NIBAN1: variants seen among roughly 807,000 people sequenced by gnomAD.
NIBAN1 encodes the protein niban apoptosis regulator 1, also known as protein Niban 1.
In NIBAN1, 81 loss-of-function variants were observed where a neutral mutation model predicts 75.1. That is an observed-to-expected ratio of 1.08 (90% CI 0.90 to 1.30). NIBAN1 has a LOEUF of 1.30. NIBAN1 is among the 50% of genes most tolerant of loss of function. NIBAN1 has a pLI of 0.00. For synonymous variants in NIBAN1, 436 were observed against 424.8 expected (o/e 1.03, Z -0.32); for missense variants, 1,133 against 1,128.1 (o/e 1.00, Z -0.06).
chr1:184,937,846 C>T (rs80198706), intron 1 of NIBAN1, among the ~76,000 whole-genome samples: 4 of 152,164 alleles, frequency 2.6e-5, no homozygotes, highest in Admixed American at 1.3e-4. Flanking sequence ...TAAACAGCTA[C>T]GTGAGAAGTA....
intron 1 of NIBAN1, among the ~76,000 whole-genome samples, chr1:184,931,513 T>C (rs1393064264): frequency 6.6e-6 from 1 of 152,224 alleles, no homozygotes; most frequent in African/African-American, 2.4e-5. Flanking sequence ...AAACAAAAAG[T>C]TATTGTATAA....
intron 5 of NIBAN1, among the ~76,000 whole-genome samples, chr1:184,881,799 G>C (rs1454122300): frequency 6.6e-6 from 1 of 152,162 alleles, no homozygotes; most frequent in Non-Finnish European, 1.5e-5. Flanking sequence ...CAGTGAGGAT[G>C]ACCAGAGGTC....
chr1:184,884,598 C>T (rs768748016), intron 5 of NIBAN1, 35 bp downstream of exon 5: 1 of 1,609,990 alleles, frequency 6.2e-7, no homozygotes, highest in East Asian at 2.2e-5. Context: ...TGCCCCACTT[C>T]CCGCCCCGGG....
rs114451302 is a variant in NIBAN1, at chr1:184,822,899, A to G, written c.985+268T>C. On this transcript the variant is annotated intron_variant, in intron 8 of 13. Coordinates refer to ENST00000367511, the MANE Select transcript of NIBAN1 (RefSeq NM_052966.4). Reference sequence around the variant, plus strand: ...CTAATTCAGTGTCAAGGGTGCTACAATGGGGGTTGGGGGTGCAGGCAGTAT... The same window carrying G: ...CTAATTCAGTGTCAAGGGTGCTACAGTGGGGGTTGGGGGTGCAGGCAGTAT... Among the ~76,000 whole-genome samples, 1,436 of 152,232 alleles carry G rather than the reference A, an allele frequency of 9.4e-3. 4 individuals are homozygous for G. The highest frequency in any genetic ancestry group is 0.027 in the Middle Eastern group (8 of 294).
chr1:184,865,081 A>G (rs940566239), intron 5 of NIBAN1, among the ~76,000 whole-genome samples: 2 of 152,144 alleles, frequency 1.3e-5, no homozygotes, highest in African/African-American at 4.8e-5. Context: ...ACCAGTCAGA[A>G]TGGCTATTAC....
chr1:184,815,205 A>C (rs1197850012), intron 9 of NIBAN1, among the ~76,000 whole-genome samples: 1 of 152,228 alleles, frequency 6.6e-6, no homozygotes, highest in African/African-American at 2.4e-5. Context: ...GGCTGATGTT[A>C]TAACAGTAGA....
intron 1 of NIBAN1, among the ~76,000 whole-genome samples, chr1:184,901,309 TC>T (rs1656949163): frequency 1.3e-5 from 2 of 152,182 alleles, no homozygotes; most frequent in African/African-American, 4.8e-5. Context: ...AAATAAAAGC[TC>T]CTATAATTTG....
Position 184,795,680 on chromosome 1 carries a change from G to A in NIBAN1, c.2084C>T (p.Pro695Leu), listed in dbSNP as rs933048061. Residue 695 changes from proline to leucine, a missense_variant, in exon 14 of 14, where the codon CCC becomes CTC. Coordinates refer to ENST00000367511, the MANE Select transcript of NIBAN1 (RefSeq NM_052966.4). ...GATGGGTTCTGGCTCTTCCTGGGCG[G>A]GTTCTTCATCCTCAAGGGTCCCTCC... ...EFGGTLEDEE[P>L]AQEEPEPITA... is the part of the protein sequence containing the mutation. 6.2e-7 allele frequency: 1 copy of A among 1,614,102 alleles called. No homozygotes were observed. Among genetic ancestry groups the A allele is most frequent in the East Asian group, 2.2e-5 (1 of 44,878 alleles).
At chr1:184,814,260 T>C (rs549082417) in intron 9 of NIBAN1, among the ~76,000 whole-genome samples, 7 of 152,288 alleles carry the variant, frequency 4.6e-5, no homozygotes, top group Middle Eastern at 3.4e-3. Flanking sequence ...TCTTGGAACA[T>C]TGTTCTGTTC....
chr1:184,794,282 G>C lies in NIBAN1; in HGVS notation c.*695C>G, dbSNP rs190729106. On this transcript the variant is annotated 3_prime_UTR_variant, in exon 14 of 14. Coordinates refer to ENST00000367511, the MANE Select transcript of NIBAN1 (RefSeq NM_052966.4). Reference sequence around the variant, plus strand: ...CCAATAAAATTTTCTTGCCTCATCTGAATTTCCTGCAAATGTGATTAATTA... The same window carrying C: ...CCAATAAAATTTTCTTGCCTCATCTCAATTTCCTGCAAATGTGATTAATTA... 1 of 153,282 alleles carries C rather than the reference G, an allele frequency of 6.5e-6. No individual in the cohort carries two copies. Among genetic ancestry groups the C allele is most frequent in the Non-Finnish European group, 1.5e-5 (1 of 68,898 alleles). 9.5% of individuals were successfully genotyped at this position (153,282 alleles called of 1,614,324 possible). A position where few individuals can be genotyped will look rare whatever the true frequency, so the allele number is the denominator to read the frequency against.
chr1:184,818,452 G>A (rs1654599924), intron 9 of NIBAN1, among the ~76,000 whole-genome samples, 186 bp downstream of exon 9: 1 of 152,010 alleles, frequency 6.6e-6, no homozygotes, highest in Non-Finnish European at 1.5e-5. Flanking sequence ...ATGGGTGGAT[G>A]GATGAATAGA....
intron 3 of NIBAN1, 47 bp downstream of exon 3, chr1:184,894,028 C>T (rs1656736582): frequency 6.5e-7 from 1 of 1,530,478 alleles, no homozygotes; most frequent in Admixed American, 2.1e-5. Context: ...CCGAGCCAAA[C>T]TTTTAAGAAC....
At chr1:184,899,005 A>T (rs560121596) in intron 2 of NIBAN1, among the ~76,000 whole-genome samples, 174 bp downstream of exon 2, 1 of 152,380 alleles carries the variant, frequency 6.6e-6, no homozygotes, top group East Asian at 1.9e-4. Context: ...TATATCAGCA[A>T]CAAGAAATCA....
In NIBAN1 at chr1:184,831,859, C is replaced by A; in HGVS notation, c.705G>T (p.Gly235=). 1 of 1,613,718 alleles carries A rather than the reference C, an allele frequency of 6.2e-7. No individual in the cohort carries two copies. The change falls in exon 6 of 14, where the codon GGG becomes GGT. Residue 235 remains glycine, a synonymous_variant. Coordinates refer to ENST00000367511, the MANE Select transcript of NIBAN1 (RefSeq NM_052966.4). ...AACCCCATATTACCTGGATTTCATC[C>A]CCAGTGATCATTTCCCAGGAACCAT... ...GHYGSWEMIT[G]DEIQILSNLV...
At chr1:184,856,374 TGTA>T (rs1360210197) in intron 5 of NIBAN1, among the ~76,000 whole-genome samples, 1 of 152,190 alleles carries the variant, frequency 6.6e-6, no homozygotes, top group East Asian at 1.9e-4. Flanking sequence ...TAATGCTTAT[TGTA>T]GTACCTAACA....
At chr1:184,822,992 C>T (rs115129964) in intron 8 of NIBAN1, among the ~76,000 whole-genome samples, 175 bp downstream of exon 8, 3,883 of 152,256 alleles carry the variant, frequency 0.026, 127 homozygotes, top group African/African-American at 0.078. Context: ...GAAGCTTCCA[C>T]GGGAAGGCCC....
In NIBAN1 at chr1:184,803,650, G is replaced by C; in HGVS notation, c.1489C>G (p.Gln497Glu). The C allele has an allele frequency of 1.9e-6, 3 of 1,614,206 alleles. No homozygotes were observed. The highest frequency in any genetic ancestry group is 2.5e-6 in the Non-Finnish European group (3 of 1,180,024). ...AGTGTGATTTGAACTAGTGCCTCTT[G>C]AAATATCTTCTTTCGGATGGTGCTG... is the stretch of plus-strand genomic sequence containing the variant. ...DSSTIRKKIF[Q>E]EALVQITLPT... Residue 497 changes from glutamine to glutamate, a missense_variant, in exon 12 of 14, where the codon CAA (glutamine) becomes GAA (glutamate). Gln to Glu is a conservative substitution (Grantham distance 29). Coordinates refer to ENST00000367511, the MANE Select transcript of NIBAN1 (RefSeq NM_052966.4).
chr1:184,804,339 GGAGATAAT>G (rs1196451207), intron 11 of NIBAN1, among the ~76,000 whole-genome samples: 2 of 152,206 alleles, frequency 1.3e-5, no homozygotes, highest in Non-Finnish European at 2.9e-5. Flanking sequence ...TGTTTATACT[GGAGATAAT>G]AAGTTAGGGC....
intron 1 of NIBAN1, among the ~76,000 whole-genome samples, chr1:184,926,809 G>A (rs1293347876): frequency 6.6e-6 from 1 of 151,976 alleles, no homozygotes. Context: ...TTGCCCTTTT[G>A]AGGCTATTTT....
Sources: gnomAD v4.1 joint callset for allele counts (sites outside exome capture counted in the v4.1 genomes callset) on GRCh38, gnomAD v4.1.1 for gene constraint, MANE v1.5 for transcripts, NCBI Gene and HGNC (gene_info 2026-07-23, HGNC 2026-07-21) for gene names.